The following DPYSL3 variants were observed in gnomAD, a reference collection of about 807,000 sequenced individuals.
DPYSL3 encodes the protein dihydropyrimidinase-related protein 3.
Under a neutral mutation model 66.1 loss-of-function variants are expected in DPYSL3, and 16 were observed. The observed-to-expected ratio is 0.24, with a 90% CI of 0.16 to 0.37. The LOEUF (loss-of-function observed/expected upper bound fraction) is 0.37, where lower values mean the gene tolerates loss of function less well. Among genes scored for constraint, DPYSL3 ranks in the 10% least tolerant of loss-of-function variants. The pLI, the probability that DPYSL3 is intolerant of heterozygous loss-of-function variation, is 1.00. For missense variants in DPYSL3, 738 were observed against 916.2 expected, an observed-to-expected ratio of 0.81 and a Z score of 2.51; for synonymous variants, 338 against 345.1, an observed-to-expected ratio of 0.98 and a Z score of 0.23.
intron 1 of DPYSL3, among the ~76,000 whole-genome samples, chr5:147,448,258 A>G (rs1752666323): frequency 6.6e-6 from 1 of 152,190 alleles, no homozygotes. Context: ...AATGATACAG[A>G]GTTCAATTAA....
rs536210691 is a variant in DPYSL3, at chr5:147,430,455, A to G, written c.382-5492T>C. On this transcript the variant is annotated intron_variant, in intron 1 of 13. Coordinates refer to ENST00000343218, the MANE Select transcript of DPYSL3 (RefSeq NM_001197294.2). ...AACCTGGGAGGCAGAGATTGCAGTG[A>G]GCCAAGATCGCACCATTGCACTCCG... is the stretch of plus-strand genomic sequence containing the variant. 1.1e-3 allele frequency among the ~76,000 whole-genome samples: 173 copies of G among 150,774 alleles called. 1 individual carries two copies. The highest frequency in any genetic ancestry group is 1.9e-3 in the Non-Finnish European group (132 of 67,694).
intron 1 of DPYSL3, among the ~76,000 whole-genome samples, chr5:147,438,774 T>C (rs900532452): frequency 5.3e-5 from 8 of 152,266 alleles, no homozygotes; most frequent in Non-Finnish European, 1.0e-4. Flanking sequence ...CAAAGCAAGA[T>C]GTATGTTGTA....
chr5:147,509,638 C>T lies in DPYSL3; in HGVS notation c.221G>A (p.Gly74Glu). Reference protein sequence around the residue: ...TPRSGQGSDRGSGSRPGIEGD... With the variant: ...TPRSGQGSDRESGSRPGIEGD... ...CTCGATCCCGGGCCGACTCCCCGAT[C>T]CTCGGTCGCTGCCCTGGCCGCTCCG... is the stretch of plus-strand genomic sequence containing the variant. Residue 74 changes from glycine to glutamate, a missense_variant, in exon 1 of 14, where the codon GGA (glycine) becomes GAA (glutamate). Physicochemically the swap from Gly to Glu is moderately conservative, Grantham distance 98. Transcript: ENST00000343218. The surrounding 1 kb of genome is among the most constrained non-coding windows in gnomAD (Gnocchi z 5.3). 6.5e-7 allele frequency: 1 copy of T among 1,535,698 alleles called. No individual in the cohort carries two copies. The highest frequency in any genetic ancestry group is 1.7e-4 in the Middle Eastern group (1 of 5,968).
At chr5:147,455,301 A>G (rs1016906426) in intron 1 of DPYSL3, among the ~76,000 whole-genome samples, 11 of 152,196 alleles carry the variant, frequency 7.2e-5, no homozygotes, top group Admixed American at 3.9e-4. Context: ...CTCTCAAGTG[A>G]GTTAATCCAA....
At position 147,509,271 on chromosome 5, in the gene DPYSL3, G is replaced by A. The variant is rs576048605; in HGVS notation, c.381+207C>T. ...GAACCCGGGCATCCCTTCCGCGCTTGCACGAAGATGCTGCAAGTGGCGACA... is the reference window on the plus strand; with the variant it reads ...GAACCCGGGCATCCCTTCCGCGCTTACACGAAGATGCTGCAAGTGGCGACA... On this transcript the variant is annotated intron_variant, in intron 1 of 13. Transcript: ENST00000343218. This position sits in a 1 kb window ranked among gnomAD's most constrained non-coding sequence, Gnocchi z 5.3. 6.6e-6 allele frequency among the ~76,000 whole-genome samples: 1 copy of A among 152,350 alleles called. No homozygotes were observed. Among genetic ancestry groups the A allele is most frequent in the East Asian group, 1.9e-4 (1 of 5,172 alleles).
chr5:147,495,911 A>G (rs371159649), intron 1 of DPYSL3, among the ~76,000 whole-genome samples: 5 of 152,312 alleles, frequency 3.3e-5, no homozygotes, highest in Non-Finnish European at 7.4e-5. Flanking sequence ...TCAAGTTCAT[A>G]TGGAACCAAA....
intron 7 of DPYSL3, among the ~76,000 whole-genome samples, chr5:147,408,470 G>A (rs193080039): frequency 1.1e-3 from 160 of 152,254 alleles, no homozygotes; most frequent in African/African-American, 3.6e-3. Flanking sequence ...CCTTAAGAAA[G>A]GGATTAGAAA....
At chr5:147,495,607 GACAA>G (rs985120027) in intron 1 of DPYSL3, among the ~76,000 whole-genome samples, 13 of 152,078 alleles carry the variant, frequency 8.5e-5, no homozygotes, top group Admixed American at 2.0e-4. Flanking sequence ...ACCAATAACA[GACAA>G]ACAGAGAGCC....
chr5:147,484,268 T>C (rs916467107), intron 1 of DPYSL3, among the ~76,000 whole-genome samples: 3 of 152,172 alleles, frequency 2.0e-5, no homozygotes, highest in African/African-American at 7.2e-5. Context: ...CACCAAATGA[T>C]TTATGTCTCG....
At chr5:147,401,000 C>T (rs1383998830) in intron 9 of DPYSL3, among the ~76,000 whole-genome samples, 167 bp from the exon 10 acceptor site, 1 of 152,156 alleles carries the variant, frequency 6.6e-6, no homozygotes, top group African/African-American at 2.4e-5. Context: ...TCTTCCCCTC[C>T]CTGGGCTCAG....
chr5:147,498,429 T>C (rs953732651), intron 1 of DPYSL3, among the ~76,000 whole-genome samples: 3 of 152,202 alleles, frequency 2.0e-5, no homozygotes, highest in Non-Finnish European at 4.4e-5. Flanking sequence ...AATACAATTA[T>C]TTATATTCCT....
intron 8 of DPYSL3, 145 bp downstream of exon 8, chr5:147,405,465 C>T (rs1292776055): frequency 9.0e-7 from 1 of 1,116,874 alleles, no homozygotes; most frequent in African/African-American, 1.6e-5. Flanking sequence ...AGGATCCTCC[C>T]ATCCACACAG....
intron 1 of DPYSL3, among the ~76,000 whole-genome samples, chr5:147,438,553 A>C (rs1752457691): frequency 1.3e-5 from 2 of 152,212 alleles, no homozygotes; most frequent in African/African-American, 4.8e-5. Context: ...TTATGGGAAT[A>C]CATTCTCTGT....
chr5:147,399,683 C>T (rs114433805), intron 10 of DPYSL3, among the ~76,000 whole-genome samples: 1 of 152,112 alleles, frequency 6.6e-6, no homozygotes, highest in African/African-American at 2.4e-5. Context: ...AATGGGTTCC[C>T]TGGGTTGTGG....
Position 147,501,547 on chromosome 5 carries a change from C to A in DPYSL3, c.381+7931G>T, listed in dbSNP as rs555630415. 2.5e-4 allele frequency among the ~76,000 whole-genome samples: 35 copies of A among 141,414 alleles called. 1 individual carries two copies. In the South Asian group the frequency reaches 5.8e-3, roughly 23 times the overall value. 92.8% of individuals were successfully genotyped at this position (141,414 alleles called of 152,430 possible). A position where few individuals can be genotyped will look rare whatever the true frequency, so the allele number is the denominator to read the frequency against. Reference sequence around the variant, plus strand: ...TTGCCCAGGCTAGAGTATAGTGTCACGATCTGGGCTCACTGCAACCTCTGC... The same window carrying A: ...TTGCCCAGGCTAGAGTATAGTGTCAAGATCTGGGCTCACTGCAACCTCTGC... On this transcript the variant is annotated intron_variant, in intron 1 of 13. Coordinates refer to ENST00000343218, the MANE Select transcript of DPYSL3 (RefSeq NM_001197294.2).
intron 1 of DPYSL3, among the ~76,000 whole-genome samples, chr5:147,438,205 C>T (rs973692244): frequency 1.3e-5 from 2 of 152,158 alleles, no homozygotes; most frequent in African/African-American, 4.8e-5. Context: ...CGCAACTCTG[C>T]TTTCATTGGA....
intron 7 of DPYSL3, among the ~76,000 whole-genome samples, chr5:147,407,812 C>T (rs1232695098): frequency 2.6e-5 from 4 of 152,034 alleles, no homozygotes; most frequent in African/African-American, 9.7e-5. Context: ...TCACTAGATA[C>T]AAAGGAGTTT....
At chr5:147,497,128 T>C (rs1183458428) in intron 1 of DPYSL3, among the ~76,000 whole-genome samples, 1 of 151,916 alleles carries the variant, frequency 6.6e-6, no homozygotes, top group Non-Finnish European at 1.5e-5. Flanking sequence ...GAAACCATCA[T>C]TCTCAGCAAA....
intron 1 of DPYSL3, among the ~76,000 whole-genome samples, chr5:147,504,050 G>T (rs1046638678): frequency 6.6e-6 from 1 of 152,154 alleles, no homozygotes; most frequent in Non-Finnish European, 1.5e-5. Flanking sequence ...TCTTCCATTT[G>T]CAGTCACAGA....
Sources: allele counts gnomAD v4.1 joint callset (sites outside exome capture counted in the v4.1 genomes callset), GRCh38; gene constraint gnomAD v4.1.1; non-coding constraint Gnocchi (gnomAD v3.1); transcripts MANE v1.5; gene names NCBI Gene and HGNC (gene_info 2026-07-23, HGNC 2026-07-21).